The following KCNMA1 variants were observed in gnomAD, a reference collection of about 807,000 sequenced individuals.
The protein encoded by KCNMA1 is Calcium-activated potassium channel subunit alpha-1.
KCNMA1 carries 29 observed loss-of-function variants against 140.0 expected under a neutral mutation model. That is an observed-to-expected ratio of 0.21 (90% CI 0.15 to 0.28). The LOEUF (loss-of-function observed/expected upper bound fraction) is 0.28. KCNMA1 is among the 10% of genes least tolerant of loss of function. The probability of loss-of-function intolerance (pLI) is 1.00; values close to 1 mark genes in which losing one functional copy is unlikely to be tolerated. For missense variants in KCNMA1, 880 were observed against 1,602.2 expected (o/e 0.55, Z 7.70); for synonymous variants, 612 against 611.9 (o/e 1.00, Z 0.00).
chr10:77,071,420 G>A (rs886282699), intron 14 of KCNMA1: 1 of 152,214 alleles, frequency 6.6e-6, no homozygotes, highest in Non-Finnish European at 1.5e-5. Flanking sequence ...GCCATGCCCT[G>A]GAAGAAAACC....
At chr10:77,594,610 T>A (rs1486335079) in intron 1 of KCNMA1, among the ~76,000 whole-genome samples, 1 of 152,136 alleles carries the variant, frequency 6.6e-6, no homozygotes, top group African/African-American at 2.4e-5. Context: ...GTCAGTGCTA[T>A]GAGGATGGAG....
intron 1 of KCNMA1, among the ~76,000 whole-genome samples, chr10:77,582,729 C>A (rs996178699): frequency 6.6e-6 from 1 of 152,248 alleles, no homozygotes; most frequent in African/African-American, 2.4e-5. Context: ...CCTACAAGGG[C>A]AGCTCACAGA....
intron 1 of KCNMA1, among the ~76,000 whole-genome samples, chr10:77,611,424 T>C (rs1186036085): frequency 6.6e-6 from 1 of 152,172 alleles, no homozygotes; most frequent in Admixed American, 6.5e-5. Flanking sequence ...ACTGGGTCCA[T>C]GGAGACATCG....
chr10:77,424,340 A>G (rs1215388456), intron 1 of KCNMA1, among the ~76,000 whole-genome samples: 1 of 152,182 alleles, frequency 6.6e-6, no homozygotes. Context: ...CATCCTTACA[A>G]CTATTTATAG....
At chr10:77,158,574 C>T (rs1189890234) in intron 5 of KCNMA1, among the ~76,000 whole-genome samples, 1 of 152,112 alleles carries the variant, frequency 6.6e-6, no homozygotes, top group East Asian at 1.9e-4. Flanking sequence ...CTCCCAGCTC[C>T]TCTCCCCTCT....
intron 25 of KCNMA1, among the ~76,000 whole-genome samples, chr10:76,909,742 T>G (rs951419809): frequency 6.6e-6 from 1 of 152,212 alleles, no homozygotes; most frequent in African/African-American, 2.4e-5. Flanking sequence ...CTCACCTATA[T>G]TTCCTTCTAG....
At chr10:77,238,345 C>A (rs1370660860) in intron 3 of KCNMA1, among the ~76,000 whole-genome samples, 1 of 152,150 alleles carries the variant, frequency 6.6e-6, no homozygotes, top group Non-Finnish European at 1.5e-5. Context: ...ATGATTTTGG[C>A]TGGAGATTGT....
intron 1 of KCNMA1, among the ~76,000 whole-genome samples, chr10:77,480,471 T>G (rs948110093): frequency 2.0e-5 from 3 of 152,188 alleles, no homozygotes; most frequent in African/African-American, 7.2e-5. Context: ...CCAAGGGCCA[T>G]CAGACAGGGA....
chr10:77,634,414 G>T, intron 1 of KCNMA1: 5 of 985,422 alleles, frequency 5.1e-6, no homozygotes, highest in Non-Finnish European at 6.0e-6. Flanking sequence ...GAGGCCAAAG[G>T]TACTAATGAA....
intron 1 of KCNMA1, among the ~76,000 whole-genome samples, chr10:77,513,233 G>C (rs2049070345): frequency 6.6e-6 from 1 of 150,810 alleles, no homozygotes; most frequent in African/African-American, 2.4e-5. Flanking sequence ...CTTTGCACTA[G>C]CTGGTGCTAC....
chr10:76,944,696 A>C lies in KCNMA1; in HGVS notation c.2902+77T>G, dbSNP rs757902540. ...AGGCTGATGTGAGCCTCTTTGAATT[A>C]CTGAGTGAAGGATATCCCTCTTGCC... is the stretch of plus-strand genomic sequence containing the variant. On this transcript the variant is annotated intron_variant, in intron 23 of 27. Transcript: ENST00000286628. 4.5e-4 allele frequency: 614 copies of C among 1,352,478 alleles called. 1 individual carries two copies. The highest frequency in any genetic ancestry group is 4.8e-4 in the Non-Finnish European group (453 of 946,658). 83.8% of individuals were successfully genotyped at this position (1,352,478 alleles called of 1,614,324 possible).
At chr10:76,984,314 G>A (rs2080533093) in intron 19 of KCNMA1, among the ~76,000 whole-genome samples, 1 of 152,048 alleles carries the variant, frequency 6.6e-6, no homozygotes, top group African/African-American at 2.4e-5. Flanking sequence ...CAACTCTAGT[G>A]TCTCAGCCTC....
At chr10:77,602,788 C>T (rs1270438968) in intron 1 of KCNMA1, among the ~76,000 whole-genome samples, 1 of 152,196 alleles carries the variant, frequency 6.6e-6, no homozygotes, top group Non-Finnish European at 1.5e-5. Flanking sequence ...ACCCTCATCC[C>T]TCCCGTGGAT....
intron 13 of KCNMA1, among the ~76,000 whole-genome samples, chr10:77,076,384 C>A (rs1246746746): frequency 6.6e-6 from 1 of 152,174 alleles, no homozygotes; most frequent in Non-Finnish European, 1.5e-5. Flanking sequence ...TCAGAAGATG[C>A]AGGGCCAGCA....
rs10536103 is a variant in KCNMA1, at chr10:77,436,957, TACACACAC to T, written c.379-32942_379-32935del. 2.8e-4 allele frequency among the ~76,000 whole-genome samples: 38 copies of T among 134,846 alleles called. 1 individual carries two copies. Among genetic ancestry groups the T allele is most frequent in the African/African-American group, 2.8e-4 (10 of 35,608 alleles). 88.5% of individuals were successfully genotyped at this position (134,846 alleles called of 152,430 possible). A position where few individuals can be genotyped will look rare whatever the true frequency, so the allele number is the denominator to read the frequency against. On this transcript the variant is annotated intron_variant, in intron 1 of 27. Coordinates refer to ENST00000286628, the MANE Select transcript of KCNMA1 (RefSeq NM_001161352.2). ...TCCTACTATTCCAGTCTTCTTTCTTTACACACACACACACACACACACACACACACACA... is the reference window on the plus strand; with the variant it reads ...TCCTACTATTCCAGTCTTCTTTCTTTACACACACACACACACACACACACA...
chr10:77,552,382 T>C (rs1288068895), intron 1 of KCNMA1, among the ~76,000 whole-genome samples: 2 of 152,170 alleles, frequency 1.3e-5, no homozygotes, highest in African/African-American at 4.8e-5. Flanking sequence ...TGCTTCCTCA[T>C]ATGAAAACAG....
intron 20 of KCNMA1, among the ~76,000 whole-genome samples, chr10:76,966,386 C>G (rs1199206702): frequency 6.6e-6 from 1 of 152,122 alleles, no homozygotes; most frequent in Non-Finnish European, 1.5e-5. Flanking sequence ...TGATTGTAAC[C>G]AGGGATCCTG....
intron 1 of KCNMA1, among the ~76,000 whole-genome samples, chr10:77,423,510 T>C (rs2096912715): frequency 1.3e-5 from 2 of 152,168 alleles, no homozygotes; most frequent in Admixed American, 6.5e-5. Flanking sequence ...CTGTGCCCGA[T>C]ACCTTAGGAA....
intron 2 of KCNMA1, among the ~76,000 whole-genome samples, chr10:77,335,802 T>C (rs929377964): frequency 2.6e-5 from 4 of 152,150 alleles, no homozygotes; most frequent in Non-Finnish European, 5.9e-5. Context: ...GTTAAGCAAC[T>C]TTTCCAGGGT....
Sources: gnomAD v4.1 joint callset for allele counts (sites outside exome capture counted in the v4.1 genomes callset) on GRCh38, gnomAD v4.1.1 for gene constraint, MANE v1.5 for transcripts, NCBI Gene and HGNC (gene_info 2026-07-23, HGNC 2026-07-21) for gene names.